Variants in TTLL4 observed in about 807,000 individuals in gnomAD.
The protein encoded by TTLL4 is tubulin tyrosine ligase like 4.
A neutral mutation model predicts 122.7 loss-of-function variants in TTLL4; 85 were observed. The observed-to-expected ratio is 0.69, with a 90% CI of 0.58 to 0.83. The LOEUF (loss-of-function observed/expected upper bound fraction) is 0.83, where lower values mean the gene tolerates loss of function less well. Among genes scored for constraint, TTLL4 ranks in the 40% least tolerant of loss-of-function variants. The pLI, the probability that TTLL4 is intolerant of heterozygous loss-of-function variation, is 0.00. For synonymous variants in TTLL4, 553 were observed against 563.0 expected, an observed-to-expected ratio of 0.98 and a Z score of 0.25; for missense variants, 1,363 against 1,488.6, an observed-to-expected ratio of 0.92 and a Z score of 1.39.
intron 1 of TTLL4, among the ~76,000 whole-genome samples, chr2:218,726,736 G>A (rs1942209103): frequency 6.6e-6 from 1 of 152,016 alleles, no homozygotes; most frequent in South Asian, 2.1e-4. Context: ...CAAAGTGCTG[G>A]GATTATAGGC....
Position 218,747,904 on chromosome 2 carries a change from G to T in TTLL4, c.2378+179G>T. ...ATCTGGGGAGGGTCTTCCTGCATGC[G>T]GGACTGAGGTGGGATAAAGGAGATG... On this transcript the variant is annotated intron_variant, in intron 11 of 19. Transcript: ENST00000392102. This position sits in a 1 kb window ranked among gnomAD's most constrained non-coding sequence, Gnocchi z 4.7. The T allele has an allele frequency of 2.7e-6, 3 of 1,127,066 alleles. No homozygotes were observed. In the South Asian group the frequency reaches 4.6e-5, roughly 17 times the overall value. The allele number at this position is 1,127,066 out of a possible 1,614,324, so 69.8% of individuals were successfully genotyped here. A position where few individuals can be genotyped will look rare whatever the true frequency, so the allele number is the denominator to read the frequency against.
chr2:218,726,301 T>G (rs556593872), intron 1 of TTLL4, among the ~76,000 whole-genome samples: 1 of 152,368 alleles, frequency 6.6e-6, no homozygotes, highest in South Asian at 2.1e-4. Flanking sequence ...TGTATTTGCT[T>G]CTTTTCTCTT....
Position 218,747,534 on chromosome 2 carries a change from G to C in TTLL4, c.2250-63G>C. 6.3e-7 allele frequency: 1 copy of C among 1,596,666 alleles called. No individual in the cohort carries two copies. Among genetic ancestry groups the C allele is most frequent in the South Asian group, 1.1e-5 (1 of 88,986 alleles). On this transcript the variant is annotated intron_variant, in intron 10 of 19. Transcript: ENST00000392102. The surrounding 1 kb of genome is among the most constrained non-coding windows in gnomAD (Gnocchi z 4.7). ...GGACTGTTAGCTGGCTTTTCCTGTG[G>C]CTTGGTTACCCACTGAGCCCCATCA...
chr2:218,713,253 C>G (rs529611328), intron 1 of TTLL4, among the ~76,000 whole-genome samples: 1 of 152,218 alleles, frequency 6.6e-6, no homozygotes, highest in African/African-American at 2.4e-5. Flanking sequence ...AGCATGGTAG[C>G]GTGCTCTTAT....
At chr2:218,716,464 A>C (rs1254501861) in intron 1 of TTLL4, among the ~76,000 whole-genome samples, 1 of 152,218 alleles carries the variant, frequency 6.6e-6, no homozygotes, top group African/African-American at 2.4e-5. Flanking sequence ...AAGCATACTC[A>C]AGGACACTTT....
chr2:218,712,977 A>G (rs538010962), intron 1 of TTLL4, among the ~76,000 whole-genome samples: 2 of 152,228 alleles, frequency 1.3e-5, no homozygotes, highest in African/African-American at 2.4e-5. Context: ...TGTAACGGGA[A>G]TGTCTTTTGG....
downstream of TTLL4, among the ~76,000 whole-genome samples, chr2:218,758,150 C>T (rs1344613956): frequency 2.0e-5 from 3 of 152,124 alleles, no homozygotes; most frequent in Admixed American, 1.3e-4. Context: ...ATGTTGCTCT[C>T]GGCAAATGTT....
rs1943116904 is a variant in TTLL4 at position 218,754,715 on chromosome 2, TG to T, written c.*331del. On this transcript the variant is annotated 3_prime_UTR_variant, in exon 20 of 20. Coordinates refer to ENST00000392102, the MANE Select transcript of TTLL4 (RefSeq NM_014640.5). Reference sequence around the variant, plus strand: ...TTAAGTGAGCCATGTGTGGTTTGTCTGGGGGCCCTGGTGTGGTTGCTGAGTT... The same window carrying T: ...TTAAGTGAGCCATGTGTGGTTTGTCTGGGGCCCTGGTGTGGTTGCTGAGTT... 1.6e-5 allele frequency: 6 copies of T among 365,202 alleles called. No homozygotes were observed. Among genetic ancestry groups the T allele is most frequent in the Non-Finnish European group, 2.5e-5 (5 of 199,082 alleles). The allele number at this position is 365,202 out of a possible 1,614,324, so 22.6% of individuals were successfully genotyped here. A position where few individuals can be genotyped will look rare whatever the true frequency, so the allele number is the denominator to read the frequency against.
chr2:218,739,296 AG>A (rs1428403953), intron 3 of TTLL4, 133 bp downstream of exon 3: 2 of 1,076,450 alleles, frequency 1.9e-6, no homozygotes, highest in African/African-American at 1.6e-5. Flanking sequence ...TTTTCACTTC[AG>A]GGCAAGGGTT....
At chr2:218,757,131 G>A (rs1218301076), downstream of TTLL4, among the ~76,000 whole-genome samples, 1 of 152,186 alleles carries the variant, frequency 6.6e-6, no homozygotes, top group Non-Finnish European at 1.5e-5. Flanking sequence ...AGGACATAGA[G>A]GGCACTTTGC....
Position 218,747,355 on chromosome 2 carries a change from G to A in TTLL4, c.2232G>A (p.Arg744=), listed in dbSNP as rs777501405. 6 of 1,614,146 alleles carry A rather than the reference G, an allele frequency of 3.7e-6. No homozygotes were observed. The highest frequency in any genetic ancestry group is 1.7e-4 in the Middle Eastern group (1 of 6,040). Residue 744 remains arginine (R), a synonymous_variant, in exon 10 of 20, where the codon AGG becomes AGA. Coordinates refer to ENST00000392102, the MANE Select transcript of TTLL4 (RefSeq NM_014640.5). The surrounding 1 kb of genome is among the most constrained non-coding windows in gnomAD (Gnocchi z 4.7). ...AGTGGAGTCAGCTCCCCAAGCGAAGGCCCCTCCTGGTACAGAGGTGAGCCT... is the reference window on the plus strand; with the variant it reads ...AGTGGAGTCAGCTCCCCAAGCGAAGACCCCTCCTGGTACAGAGGTGAGCCT... ...IHKWSQLPKR[R]PLLVQRYLHK... is the part of the protein sequence containing the mutation.
intron 1 of TTLL4, among the ~76,000 whole-genome samples, chr2:218,722,329 A>G (rs1006088354): frequency 2.7e-5 from 4 of 150,030 alleles, no homozygotes; most frequent in African/African-American, 9.9e-5. Context: ...GGTAGTTTTT[A>G]AAAAAATTAC....
chr2:218,758,615 T>A (rs1276068206), downstream of TTLL4, among the ~76,000 whole-genome samples: 1 of 152,244 alleles, frequency 6.6e-6, no homozygotes, highest in Non-Finnish European at 1.5e-5. Flanking sequence ...CCCCCATCAT[T>A]AGCAGTCAGA....
intron 1 of TTLL4, among the ~76,000 whole-genome samples, chr2:218,726,615 G>A (rs1942205647): frequency 6.6e-6 from 1 of 150,936 alleles, no homozygotes; most frequent in Non-Finnish European, 1.5e-5. Flanking sequence ...ACAGGCGTGT[G>A]CCACCACATC....
Position 218,747,290 on chromosome 2 carries a change from C to A in TTLL4, c.2167C>A (p.Pro723Thr). ...AATCTCATCTCCTTTCTGCTCCTAG[C>A]CAGCATCAGCTCGAGGCATTGGCAT... ...SSRQKWIVKPPASARGIGIQV... is the reference protein window; with the variant it reads ...SSRQKWIVKPTASARGIGIQV... The change falls in exon 10 of 20, where the codon CCA (proline) becomes ACA (threonine). Residue 723 changes from proline to threonine, a missense_variant and splice_region_variant. Around this residue, in one of 3 missense-constraint regions of TTLL4, gnomAD observed 596 missense variants for 655.8 expected, o/e 0.91. Coordinates refer to ENST00000392102, the MANE Select transcript of TTLL4 (RefSeq NM_014640.5). This position sits in a 1 kb window ranked among gnomAD's most constrained non-coding sequence, Gnocchi z 4.7. The A allele has an allele frequency of 6.2e-7, 1 of 1,614,182 alleles. No individual in the cohort carries two copies. Among genetic ancestry groups the A allele is most frequent in the Non-Finnish European group, 8.5e-7 (1 of 1,180,030 alleles).
intron 5 of TTLL4, 29 bp downstream of exon 5, chr2:218,740,613 C>T (rs932034527): frequency 2.5e-6 from 4 of 1,610,418 alleles, no homozygotes; most frequent in Non-Finnish European, 3.4e-6. Flanking sequence ...ATCATTGTTA[C>T]ATGCTCATCT....
intron 1 of TTLL4, among the ~76,000 whole-genome samples, chr2:218,718,587 A>G (rs1296677096): frequency 1.3e-5 from 2 of 152,124 alleles, no homozygotes; most frequent in African/African-American, 4.8e-5. Context: ...CATGTTGCTC[A>G]GGCTGGTTTC....
In TTLL4 at chr2:218,740,521, G is replaced by A. The variant is rs754063118; in HGVS notation, c.1598G>A (p.Gly533Glu). The change falls in exon 5 of 20, where the codon GGA becomes GAA. Residue 533 changes from glycine (G) to glutamate (E), a missense_variant and splice_region_variant. Physicochemically the swap from Gly to Glu is moderately conservative, Grantham distance 98. Coordinates refer to ENST00000392102, the MANE Select transcript of TTLL4 (RefSeq NM_014640.5). ...CSRDENEEEEGDSECSSLSAV... is the reference protein window; with the variant it reads ...CSRDENEEEEEDSECSSLSAV... ...ATTTCTCTGTTCTTCCTTCCTCTAGGAGACTCAGAGTGCTCCTCATTAAGT... is the reference window on the plus strand; with the variant it reads ...ATTTCTCTGTTCTTCCTTCCTCTAGAAGACTCAGAGTGCTCCTCATTAAGT... 3 of 1,614,016 alleles carry A rather than the reference G, an allele frequency of 1.9e-6. No homozygotes were observed. The East Asian group carries it at 6.7e-5, about 36-fold the overall frequency.
At chr2:218,713,131 C>G (rs772538572) in intron 1 of TTLL4, among the ~76,000 whole-genome samples, 58 of 152,210 alleles carry the variant, frequency 3.8e-4, no homozygotes, top group South Asian at 2.7e-3. Context: ...GTAAATCCAA[C>G]ACTTTGGGAG....
Sources: gnomAD v4.1 joint callset for allele counts (sites outside exome capture counted in the v4.1 genomes callset) on GRCh38, gnomAD v4.1.1 for gene constraint, gnomAD v4.1.1 regional missense constraint, Gnocchi (gnomAD v3.1) non-coding constraint, MANE v1.5 for transcripts, NCBI Gene and HGNC (gene_info 2026-07-23, HGNC 2026-07-21) for gene names.